The following SWAP70 variants were observed in gnomAD, a reference collection of about 807,000 sequenced individuals.
The protein encoded by SWAP70 is switch-associated protein 70.
SWAP70 carries 34 observed loss-of-function variants against 80.2 expected under a neutral mutation model. That is an observed-to-expected ratio of 0.42 (90% CI 0.32 to 0.56). SWAP70 has a LOEUF of 0.56. SWAP70 is among the 20% of genes least tolerant of loss of function. The pLI is 0.09. For missense variants in SWAP70, 578 were observed against 690.7 expected (o/e 0.84, Z 1.83); for synonymous variants, 239 against 238.5 (o/e 1.00, Z -0.02).
At chr11:9,740,380 G>GCAA (rs773997548) in intron 9 of SWAP70, 33 bp downstream of exon 9, 16 of 1,610,338 alleles carry the variant, frequency 9.9e-6, no homozygotes, top group Non-Finnish European at 1.2e-5. Flanking sequence ...TTGCCTTTAT[G>GCAA]TACTTTGCCT....
At chr11:9,699,386 C>T (rs1020264283) in intron 2 of SWAP70, among the ~76,000 whole-genome samples, 3 of 150,738 alleles carry the variant, frequency 2.0e-5, no homozygotes, top group African/African-American at 4.9e-5. Flanking sequence ...CAGTATAATG[C>T]TTTTTTTTTG....
chr11:9,718,960 C>A (rs2133800816), intron 3 of SWAP70, among the ~76,000 whole-genome samples: 2 of 149,340 alleles, frequency 1.3e-5, no homozygotes, highest in Middle Eastern at 7.4e-3. Flanking sequence ...ATTAGCTGGG[C>A]ACAGTGGCAC....
chr11:9,695,446 AAG>A (rs1015392688), intron 2 of SWAP70, among the ~76,000 whole-genome samples: 2 of 152,158 alleles, frequency 1.3e-5, no homozygotes, highest in African/African-American at 4.8e-5. Flanking sequence ...TGCCCTAAAA[AAG>A]AGTGAGATCA....
chr11:9,701,691 CTTTTTTTT>C (rs1163108695), intron 2 of SWAP70, among the ~76,000 whole-genome samples: 10 of 68,528 alleles, frequency 1.5e-4, no homozygotes, highest in East Asian at 9.2e-4. Context: ...TTTGTGGGCT[CTTTTTTTT>C]TTTTTTTTTT....
intron 3 of SWAP70, among the ~76,000 whole-genome samples, chr11:9,723,112 G>T (rs416804): frequency 0.35 from 53,448 of 151,690 alleles, 9,730 homozygotes; most frequent in African/African-American, 0.42. Flanking sequence ...AAGAGGGGAG[G>T]GTCAGGCTCT....
At position 9,740,173 on chromosome 11, in the gene SWAP70, AC is replaced by A. The variant is rs749182557; in HGVS notation, c.1189-6del. On this transcript the variant is annotated splice_region_variant and splice_polypyrimidine_tract_variant and intron_variant, in intron 8 of 11. Coordinates refer to ENST00000318950, the MANE Select transcript of SWAP70 (RefSeq NM_015055.4). The stretch of plus-strand genomic sequence containing the variant: ...CTGCATTTAAACAAGACCCTTTTAT[AC>A]CAACAGATCAGACAGCAGATGGAAG... 6.2e-7 allele frequency: 1 copy of A among 1,612,794 alleles called. No individual in the cohort carries two copies. Among genetic ancestry groups the A allele is most frequent in the Middle Eastern group, 1.7e-4 (1 of 6,052 alleles).
chr11:9,743,808 C>A (rs1040466537), intron 9 of SWAP70, among the ~76,000 whole-genome samples: 3 of 151,882 alleles, frequency 2.0e-5, no homozygotes, highest in African/African-American at 7.3e-5. Context: ...GCCGATCATT[C>A]GTGGAATATT....
At chr11:9,698,093 GTT>G (rs201181416) in intron 2 of SWAP70, among the ~76,000 whole-genome samples, 1 of 109,584 alleles carries the variant, frequency 9.1e-6, no homozygotes, top group Non-Finnish European at 1.8e-5. Context: ...GCCAATACAT[GTT>G]TTTTGTTTTT....
At position 9,664,088 on chromosome 11, in the gene SWAP70, C is replaced by G; in HGVS notation, c.-92C>G. 8.0e-7 allele frequency: 1 copy of G among 1,255,790 alleles called. No individual in the cohort carries two copies. The highest frequency in any genetic ancestry group is 1.1e-6 in the Non-Finnish European group (1 of 939,878). The allele number at this position is 1,255,790 out of a possible 1,614,324, so 77.8% of individuals were successfully genotyped here. Reference sequence around the variant, plus strand: ...GGGCCTGGCGGGTCAGGTGACTGCGCGGCGGGCTGTGGCTGCGGAGGTTGA... The same window carrying G: ...GGGCCTGGCGGGTCAGGTGACTGCGGGGCGGGCTGTGGCTGCGGAGGTTGA... On this transcript the variant is annotated 5_prime_UTR_variant, in exon 1 of 12. Coordinates refer to ENST00000318950, the MANE Select transcript of SWAP70 (RefSeq NM_015055.4).
At chr11:9,665,546 C>G (rs1304976681) in intron 1 of SWAP70, among the ~76,000 whole-genome samples, 3 of 152,198 alleles carry the variant, frequency 2.0e-5, no homozygotes, top group African/African-American at 7.2e-5. Context: ...TGCCCTGCCT[C>G]CACCCCAACT....
chr11:9,677,503 C>T (rs193019791), intron 1 of SWAP70, among the ~76,000 whole-genome samples: 9 of 152,250 alleles, frequency 5.9e-5, no homozygotes, highest in Admixed American at 1.3e-4. Context: ...CTGGAGGTAA[C>T]CATTATTTCT....
chr11:9,706,839 A>T, intron 2 of SWAP70, among the ~76,000 whole-genome samples: 1 of 152,010 alleles, frequency 6.6e-6, no homozygotes, highest in Non-Finnish European at 1.5e-5. Context: ...TTCTTGTTAC[A>T]GCTGTGTATA....
At chr11:9,675,042 A>G (rs140351659) in intron 1 of SWAP70, among the ~76,000 whole-genome samples, 292 of 151,978 alleles carry the variant, frequency 1.9e-3, no homozygotes, top group Non-Finnish European at 3.6e-3. Context: ...TCATGCCTGT[A>G]ATACTAGCAC....
At chr11:9,687,311 C>T (rs1433285649) in intron 1 of SWAP70, among the ~76,000 whole-genome samples, 1 of 152,172 alleles carries the variant, frequency 6.6e-6, no homozygotes, top group Non-Finnish European at 1.5e-5. Flanking sequence ...TAATACACAA[C>T]AAACAACATT....
At chr11:9,672,626 C>G (rs1264980163) in intron 1 of SWAP70, among the ~76,000 whole-genome samples, 2 of 146,766 alleles carry the variant, frequency 1.4e-5, no homozygotes, top group Non-Finnish European at 3.0e-5. Flanking sequence ...CATCCACCTA[C>G]AAGTGTTAGG....
chr11:9,698,094 TTTTTTG>T lies in SWAP70; in HGVS notation c.240+3814_240+3819del, dbSNP rs1209208441. Among the ~76,000 whole-genome samples, 749 of 62,588 alleles carry T rather than the reference TTTTTTG, an allele frequency of 0.012. 42 individuals carry two copies. In the Admixed American group the frequency reaches 0.13, roughly 11 times the overall value. 41.1% of individuals were successfully genotyped at this position (62,588 alleles called of 152,430 possible). A position where few individuals can be genotyped will look rare whatever the true frequency, so the allele number is the denominator to read the frequency against. On this transcript the variant is annotated intron_variant, in intron 2 of 11. Transcript: ENST00000318950. ...AGCCACCATGCCTGGCCAATACATG[TTTTTTG>T]TTTTTTTTTTTTTTTTTTGAGACCA...
At chr11:9,711,911 G>A (rs1286215965) in intron 2 of SWAP70, among the ~76,000 whole-genome samples, 1 of 152,168 alleles carries the variant, frequency 6.6e-6, no homozygotes, top group Non-Finnish European at 1.5e-5. Flanking sequence ...TCCAGCACCA[G>A]GTGCCCCATT....
At chr11:9,707,765 AG>A (rs1423091322) in intron 2 of SWAP70, among the ~76,000 whole-genome samples, 1 of 151,932 alleles carries the variant, frequency 6.6e-6, no homozygotes, top group African/African-American at 2.4e-5. Context: ...CATCTTGGCC[AG>A]GCTGGTCTTG....
At chr11:9,690,874 T>A (rs933230737) in intron 1 of SWAP70, among the ~76,000 whole-genome samples, 1 of 152,014 alleles carries the variant, frequency 6.6e-6, no homozygotes, top group African/African-American at 2.4e-5. Context: ...CTTTATTCAG[T>A]TGGTTGTTTT....
Sources: gnomAD v4.1 joint callset for allele counts (sites outside exome capture counted in the v4.1 genomes callset) on GRCh38, gnomAD v4.1.1 for gene constraint, MANE v1.5 for transcripts, NCBI Gene and HGNC (gene_info 2026-07-23, HGNC 2026-07-21) for gene names.